Variants in ANKS1B observed in about 807,000 individuals in gnomAD.
ANKS1B encodes ankyrin repeat and sterile alpha motif domain-containing protein 1B.
ANKS1B carries 36 observed loss-of-function variants against 148.3 expected under a neutral mutation model. That is an observed-to-expected ratio of 0.24 (90% CI 0.19 to 0.32). The LOEUF (loss-of-function observed/expected upper bound fraction) is 0.32, where lower values mean the gene tolerates loss of function less well. Ranked by LOEUF, ANKS1B falls within the 10% of genes least tolerant of loss-of-function variation. The pLI, the probability that ANKS1B is intolerant of heterozygous loss-of-function variation, is 1.00. For synonymous variants in ANKS1B, 542 were observed against 560.8 expected (o/e 0.97, Z 0.47); for missense variants, 1,157 against 1,542.6 (o/e 0.75, Z 4.19).
intron 17 of ANKS1B, among the ~76,000 whole-genome samples, chr12:98,897,336 A>G (rs780897756): frequency 6.6e-6 from 1 of 152,218 alleles, no homozygotes; most frequent in Non-Finnish European, 1.5e-5. Flanking sequence ...GCATCTGAAA[A>G]AGGACTAATA....
At chr12:99,188,064 A>C (rs1012680543) in intron 14 of ANKS1B, among the ~76,000 whole-genome samples, 4 of 152,192 alleles carry the variant, frequency 2.6e-5, no homozygotes, top group African/African-American at 9.7e-5. Context: ...GATAAAACAG[A>C]CTTTAAACCA....
At chr12:99,691,833 G>A (rs1053707109) in intron 8 of ANKS1B, among the ~76,000 whole-genome samples, 1 of 152,152 alleles carries the variant, frequency 6.6e-6, no homozygotes, top group Admixed American at 6.6e-5. Flanking sequence ...GTTAAGCTAT[G>A]CCTGAACTCC....
At chr12:99,616,928 TAAAC>T (rs1357497586) in intron 9 of ANKS1B, among the ~76,000 whole-genome samples, 1 of 151,664 alleles carries the variant, frequency 6.6e-6, no homozygotes, top group African/African-American at 2.4e-5. Flanking sequence ...TACAAGAACT[TAAAC>T]AAATTTACAA....
chr12:99,071,233 C>T (rs564509979), intron 16 of ANKS1B, among the ~76,000 whole-genome samples: 9 of 152,320 alleles, frequency 5.9e-5, no homozygotes, highest in Admixed American at 2.0e-4. Flanking sequence ...TTTCTCCTTG[C>T]ACTGTGTCTT....
intron 12 of ANKS1B, among the ~76,000 whole-genome samples, chr12:99,378,395 C>T (rs1363993158): frequency 6.6e-6 from 1 of 151,994 alleles, no homozygotes; most frequent in Non-Finnish European, 1.5e-5. Context: ...GTGGCTCATG[C>T]CTGTAATCCC....
At position 99,768,947 on chromosome 12, in the gene ANKS1B, G is replaced by A. The variant is rs191090265; in HGVS notation, c.1128+3975C>T. On this transcript the variant is annotated intron_variant, in intron 8 of 26. Transcript: ENST00000683438. ...CAAACCAGGAAGCAGGCCTTCACCA[G>A]CTACCAGCTCTGCTGGTACCTTCAT... 5.9e-4 allele frequency among the ~76,000 whole-genome samples: 89 copies of A among 150,336 alleles called. 1 individual carries two copies. The highest frequency in any genetic ancestry group is 2.8e-4 in the Non-Finnish European group (19 of 67,842).
intron 9 of ANKS1B, among the ~76,000 whole-genome samples, chr12:99,544,256 C>T (rs552260350): frequency 1.3e-3 from 204 of 152,072 alleles, no homozygotes; most frequent in African/African-American, 4.8e-3. Flanking sequence ...TAAGTTATAC[C>T]AGTTATGAAG....
At chr12:99,188,008 C>CA (rs1421893115) in intron 14 of ANKS1B, among the ~76,000 whole-genome samples, 2 of 150,798 alleles carry the variant, frequency 1.3e-5, no homozygotes, top group Non-Finnish European at 3.0e-5. Context: ...ATTTACCAAG[C>CA]AAATGGAAAG....
intron 15 of ANKS1B, among the ~76,000 whole-genome samples, chr12:99,085,321 G>A (rs2051282578): frequency 6.6e-6 from 1 of 150,816 alleles, no homozygotes; most frequent in Non-Finnish European, 1.5e-5. Flanking sequence ...TTGTGCACAT[G>A]TACCCTAAAA....
chr12:99,495,472 T>C (rs1471620838), intron 10 of ANKS1B, among the ~76,000 whole-genome samples: 1 of 152,112 alleles, frequency 6.6e-6, no homozygotes, highest in African/African-American at 2.4e-5. Flanking sequence ...ACTGTCCATA[T>C]GGATGAAGGA....
chr12:98,968,828 A>C (rs61932198), intron 17 of ANKS1B, among the ~76,000 whole-genome samples: 27,521 of 152,104 alleles, frequency 0.18, 2,649 homozygotes, highest in African/African-American at 0.23. Context: ...GAAAAAATAA[A>C]CTAAGAATAA....
intron 10 of ANKS1B, among the ~76,000 whole-genome samples, chr12:99,462,736 A>C (rs2096004138): frequency 6.6e-6 from 1 of 152,190 alleles, no homozygotes. Context: ...CCACTGTTGG[A>C]GATGGGCATA....
chr12:99,016,954 C>T (rs1337183463), intron 17 of ANKS1B, among the ~76,000 whole-genome samples: 1 of 152,132 alleles, frequency 6.6e-6, no homozygotes, highest in Non-Finnish European at 1.5e-5. Flanking sequence ...ATTAAAGTTC[C>T]ATGTCCAGGA....
chr12:99,695,593 T>C (rs1025074357), intron 8 of ANKS1B, among the ~76,000 whole-genome samples: 4 of 152,238 alleles, frequency 2.6e-5, no homozygotes, highest in Admixed American at 1.3e-4. Flanking sequence ...AGGGTCTACC[T>C]GGCCTAAATA....
At chr12:98,919,612 T>C (rs938775580) in intron 17 of ANKS1B, among the ~76,000 whole-genome samples, 1 of 152,240 alleles carries the variant, frequency 6.6e-6, no homozygotes, top group Non-Finnish European at 1.5e-5. Flanking sequence ...CACTTTCCAA[T>C]TGCCTGTCTT....
At chr12:98,823,418 T>A (rs1237548451) in intron 19 of ANKS1B, among the ~76,000 whole-genome samples, 1 of 152,204 alleles carries the variant, frequency 6.6e-6, no homozygotes, top group African/African-American at 2.4e-5. Context: ...AATCTAGGCA[T>A]TAACTTACGG....
intron 25 of ANKS1B, among the ~76,000 whole-genome samples, chr12:98,756,683 G>C (rs1454730466): frequency 2.6e-5 from 4 of 151,372 alleles, no homozygotes. Flanking sequence ...CCGAGGTTGT[G>C]TGACTGCACT....
intron 22 of ANKS1B, chr12:98,795,593 C>G (rs1326702322): frequency 2.3e-6 from 1 of 442,936 alleles, no homozygotes. Context: ...TTTTAAAAAG[C>G]TCCTGTTTTT....
chr12:99,654,910 T>C (rs1227584262), intron 9 of ANKS1B, among the ~76,000 whole-genome samples, 157 bp downstream of exon 9: 2 of 152,210 alleles, frequency 1.3e-5, no homozygotes, highest in African/African-American at 2.4e-5. Context: ...CCAAGTTATA[T>C]GCACATTTTA....
Sources: gnomAD v4.1 joint callset for allele counts (sites outside exome capture counted in the v4.1 genomes callset) on GRCh38, gnomAD v4.1.1 for gene constraint, MANE v1.5 for transcripts, NCBI Gene and HGNC (gene_info 2026-07-23, HGNC 2026-07-21) for gene names.